Variants in TBX15 observed in about 807,000 individuals in gnomAD.
The protein encoded by TBX15 is T-box transcription factor TBX15.
Under a neutral mutation model 53.9 loss-of-function variants are expected in TBX15, and 18 were observed. The ratio of observed to expected loss-of-function variants is 0.33; its 90% CI spans 0.23 to 0.49. The LOEUF is 0.49. Among genes scored for constraint, TBX15 ranks in the 20% least tolerant of loss-of-function variants. The pLI is 0.98. For missense variants in TBX15, 692 were observed against 749.5 expected (o/e 0.92, Z 0.90); for synonymous variants, 295 against 278.0 (o/e 1.06, Z -0.61).
In TBX15 at chr1:118,987,979, G is replaced by T. The variant is rs1037044798; in HGVS notation, c.-184C>A. 4.6e-5 allele frequency: 34 copies of T among 737,540 alleles called. No homozygotes were observed. The highest frequency in any genetic ancestry group is 7.1e-5 in the Non-Finnish European group (33 of 463,370). The allele number at this position is 737,540 out of a possible 1,614,324, so 45.7% of individuals were successfully genotyped here. ...CGTCCTCCTCCGCCCTCCTCTGCCG[G>T]ATCCGACCTGCGCCCCTACGCTGGC... On this transcript the variant is annotated 5_prime_UTR_variant, in exon 1 of 8. Transcript: ENST00000369429.
chr1:118,905,057 T>G (rs1242968066), intron 6 of TBX15, among the ~76,000 whole-genome samples: 1 of 152,150 alleles, frequency 6.6e-6, no homozygotes, highest in African/African-American at 2.4e-5. Flanking sequence ...TGAGGACCAT[T>G]GGTCTAACTC....
chr1:118,989,141 T>A (rs12035818), upstream of TBX15, among the ~76,000 whole-genome samples: 23,817 of 152,024 alleles, frequency 0.16, 2,742 homozygotes, highest in East Asian at 0.5. Context: ...TATGGAGAGG[T>A]GACAGGCAAG....
chr1:118,960,824 G>A (rs1242293020), intron 1 of TBX15, among the ~76,000 whole-genome samples: 1 of 152,136 alleles, frequency 6.6e-6, no homozygotes, highest in African/African-American at 2.4e-5. Flanking sequence ...GAGGAGGGAG[G>A]GCAGAGTCGA....
At chr1:118,890,877 G>C in intron 7 of TBX15, 3 of 1,303,388 alleles carry the variant, frequency 2.3e-6, no homozygotes, top group Non-Finnish European at 3.0e-6. Context: ...TTCGTTCCAT[G>C]AGCCAGACTC....
chr1:118,932,495 G>T (rs570365024), intron 1 of TBX15, among the ~76,000 whole-genome samples: 2 of 152,282 alleles, frequency 1.3e-5, no homozygotes, highest in African/African-American at 4.8e-5. Flanking sequence ...AAGGATGTAA[G>T]CATATGGAAA....
At chr1:118,893,360 A>AAGGAAGGAAGGAAG (rs1557872549) in intron 7 of TBX15, among the ~76,000 whole-genome samples, 6 of 28,186 alleles carry the variant, frequency 2.1e-4, no homozygotes, top group African/African-American at 9.5e-4. Flanking sequence ...AAGGAAGGAA[A>AAGGAAGGAAGGAAG]GAAAGAAAGA....
At position 118,930,479 on chromosome 1, in the gene TBX15, G is replaced by A. The variant is rs191824213; in HGVS notation, c.419+1140C>T. 2.2e-3 allele frequency among the ~76,000 whole-genome samples: 331 copies of A among 152,268 alleles called. 6 individuals are homozygous for A. Among genetic ancestry groups the A allele is most frequent in the Admixed American group, 0.021 (316 of 15,292 alleles). ...CACCCAGGGTGGAGTGCAACGGCAC[G>A]ATCTTGGCTCACTGCAACCTCCGCC... is the stretch of plus-strand genomic sequence containing the variant. On this transcript the variant is annotated intron_variant, in intron 2 of 7. Coordinates refer to ENST00000369429, the MANE Select transcript of TBX15 (RefSeq NM_001330677.2).
intron 1 of TBX15, among the ~76,000 whole-genome samples, chr1:118,937,994 G>T (rs901356397): frequency 4.6e-5 from 7 of 152,174 alleles, no homozygotes; most frequent in Non-Finnish European, 8.8e-5. Context: ...GTGGAAATTG[G>T]TTGTGGGCTA....
upstream of TBX15, among the ~76,000 whole-genome samples, chr1:118,988,881 G>C (rs1390149198): frequency 6.6e-6 from 1 of 152,166 alleles, no homozygotes; most frequent in Non-Finnish European, 1.5e-5. Flanking sequence ...CAAGCAAACA[G>C]AAAGCCCTGT....
chr1:118,893,832 T>G (rs2101477469), intron 7 of TBX15, among the ~76,000 whole-genome samples: 1 of 152,224 alleles, frequency 6.6e-6, no homozygotes, highest in East Asian at 1.9e-4. Flanking sequence ...CTAGCAGAGT[T>G]TATTCACTTA....
At chr1:118,892,247 G>T (rs1362771022) in intron 7 of TBX15, among the ~76,000 whole-genome samples, 1 of 152,128 alleles carries the variant, frequency 6.6e-6, no homozygotes, top group Non-Finnish European at 1.5e-5. Context: ...ATAAGAACAG[G>T]CTAAACAATG....
rs1293678344 is a variant in TBX15 at position 118,884,960 on chromosome 1, C to T, written c.1581G>A (p.Arg527=). Residue 527 remains arginine, a synonymous_variant, in exon 8 of 8, where the codon AGG becomes AGA. Coordinates refer to ENST00000369429, the MANE Select transcript of TBX15 (RefSeq NM_001330677.2). ...LYGYNFPTSP[R]LAASPEKLSA... is the part of the protein sequence containing the mutation. ...TCAGTTTTTCCGGGCTTGCAGCTAG[C>T]CTAGGGGAAGTGGGGAAATTGTATC... 2.5e-6 allele frequency: 4 copies of T among 1,614,062 alleles called. No individual in the cohort carries two copies. In the South Asian group the frequency reaches 3.3e-5, roughly 13 times the overall value.
chr1:118,950,955 C>T (rs12723174), intron 1 of TBX15, among the ~76,000 whole-genome samples: 330 of 152,250 alleles, frequency 2.2e-3, no homozygotes, highest in African/African-American at 2.8e-3. Context: ...CTGTGCACTC[C>T]GAAAAGACAC....
At chr1:118,928,668 C>A (rs1283285274) in intron 2 of TBX15, among the ~76,000 whole-genome samples, 1 of 152,166 alleles carries the variant, frequency 6.6e-6, no homozygotes, top group Non-Finnish European at 1.5e-5. Context: ...CCCCAGTCAC[C>A]TAGAGAGGCT....
chr1:118,920,724 T>C (rs1300550422), intron 5 of TBX15, among the ~76,000 whole-genome samples: 4 of 152,128 alleles, frequency 2.6e-5, no homozygotes, highest in African/African-American at 2.4e-5. Flanking sequence ...AATTGGAAGC[T>C]ATCATAAGAA....
intron 1 of TBX15, among the ~76,000 whole-genome samples, chr1:118,945,476 A>G (rs2101644999): frequency 6.6e-6 from 1 of 152,226 alleles, no homozygotes; most frequent in African/African-American, 2.4e-5. Context: ...CTAGGTCCTC[A>G]ATCTGATAGG....
chr1:118,983,831 TG>T (rs1419584015), intron 1 of TBX15, among the ~76,000 whole-genome samples: 1 of 152,050 alleles, frequency 6.6e-6, no homozygotes, highest in Non-Finnish European at 1.5e-5. Context: ...AGCTCCGGCC[TG>T]TGCCCTGGCT....
chr1:118,952,202 C>A (rs151263845), intron 1 of TBX15, among the ~76,000 whole-genome samples: 106 of 152,298 alleles, frequency 7.0e-4, no homozygotes, highest in Non-Finnish European at 1.3e-3. Context: ...TTCTCTCTAG[C>A]TTACCTTATT....
intron 1 of TBX15, among the ~76,000 whole-genome samples, chr1:118,960,830 G>A (rs1381838310): frequency 2.0e-5 from 3 of 152,180 alleles, no homozygotes; most frequent in Non-Finnish European, 4.4e-5. Flanking sequence ...GGAGGGCAGA[G>A]TCGAGGTCTG....
Sources: allele counts gnomAD v4.1 joint callset (sites outside exome capture counted in the v4.1 genomes callset), GRCh38; gene constraint gnomAD v4.1.1; transcripts MANE v1.5; gene names NCBI Gene and HGNC (gene_info 2026-07-23, HGNC 2026-07-21).